Variants in TFB1M observed in about 807,000 individuals in gnomAD.
TFB1M encodes the protein dimethyladenosine transferase 1, mitochondrial.
In TFB1M, 27 loss-of-function variants were observed where a neutral mutation model predicts 31.1. That is an observed-to-expected ratio of 0.87 (90% confidence interval 0.64 to 1.20). The LOEUF is 1.20. Among genes scored for constraint, TFB1M ranks in the 50% most tolerant of loss-of-function variants. The pLI is 0.00. For missense variants in TFB1M, 394 were observed against 418.7 expected (o/e 0.94, Z 0.51); for synonymous variants, 166 against 151.8 (o/e 1.09, Z -0.69).
chr6:155,270,997 G>A (rs1784891359), intron 5 of TFB1M, among the ~76,000 whole-genome samples: 1 of 152,128 alleles, frequency 6.6e-6, no homozygotes, highest in African/African-American at 2.4e-5. Flanking sequence ...CAATACTATG[G>A]CTGAAAAGCA....
intron 5 of TFB1M, among the ~76,000 whole-genome samples, chr6:155,281,819 C>A: frequency 1.5e-5 from 1 of 68,036 alleles, no homozygotes. Context: ...CACCATAATT[C>A]ATAAAAAAAA....
At chr6:155,307,174 C>CAT (rs1777817150) in intron 2 of TFB1M, among the ~76,000 whole-genome samples, 3 of 151,728 alleles carry the variant, frequency 2.0e-5, no homozygotes, top group African/African-American at 7.3e-5. Flanking sequence ...CACATATACA[C>CAT]ACAGACAAAT....
intron 5 of TFB1M, among the ~76,000 whole-genome samples, chr6:155,278,735 G>A (rs765303978): frequency 1.3e-5 from 2 of 152,178 alleles, no homozygotes; most frequent in Non-Finnish European, 2.9e-5. Flanking sequence ...CAAACTACCC[G>A]GGTGCAAGCC....
chr6:155,303,464 C>T (rs335355), intron 2 of TFB1M: 101,245 of 152,176 alleles, frequency 0.67, 34,075 homozygotes, highest in East Asian at 0.98. Context: ...CACTGATCTC[C>T]GTACTTATAC....
At chr6:155,298,349 TTTAA>T in intron 3 of TFB1M, 124 bp downstream of exon 3, 1 of 639,622 alleles carries the variant, frequency 1.6e-6, no homozygotes, top group South Asian at 1.8e-5. Context: ...ATACACATTA[TTTAA>T]TTCTGTTCAG....
the TFB1M span, chr6:155,245,755 GTT>G: frequency 1.2e-4 from 119 of 1,022,938 alleles, no homozygotes; most frequent in South Asian, 3.1e-4. Context: ...GCCTTTTATA[GTT>G]TTTTTTTTTT....
chr6:155,267,829 C>T (rs776592155), intron 5 of TFB1M, among the ~76,000 whole-genome samples: 6 of 152,204 alleles, frequency 3.9e-5, no homozygotes, highest in Admixed American at 2.6e-4. Flanking sequence ...AACAGAAAAA[C>T]AGAATGAGCT....
At position 155,311,258 on chromosome 6, in the gene TFB1M, G is replaced by C; in HGVS notation, c.215C>G (p.Ser72Cys). ...TTCAGCGACGTCGGCATTAAGAATA[G>C]ATCTTGTGATTCCCCCTGGCCCAGG... ...VGPGPGGITR[S>C]ILNADVAELL... is the part of the protein sequence containing the mutation. The change falls in exon 2 of 7, where the codon TCT becomes TGT. Residue 72 changes from serine to cysteine, a missense_variant. Physicochemically the swap from Ser to Cys is moderately radical, Grantham distance 112. Coordinates refer to ENST00000367166, the MANE Select transcript of TFB1M (RefSeq NM_016020.4). The C allele has an allele frequency of 6.2e-7, 1 of 1,614,044 alleles. No individual in the cohort carries two copies. Among genetic ancestry groups the C allele is most frequent in the Admixed American group, 1.7e-5 (1 of 60,020 alleles).
In TFB1M at chr6:155,256,506, C is replaced by G. The variant is rs963957640; in HGVS notation, c.*1330G>C. 5 of 1,614,188 alleles carry G rather than the reference C, an allele frequency of 3.1e-6. No individual in the cohort carries two copies. The East Asian group carries it at 1.1e-4, about 36-fold the overall frequency. On this transcript the variant is annotated 3_prime_UTR_variant, in exon 7 of 7. Transcript: ENST00000367166. The stretch of plus-strand genomic sequence containing the variant: ...TAGCTTCATCCAGGTCTTTAAAAGT[C>G]CTGAAGAATTCCTCCAGCAACGAGT...
At chr6:155,276,788 C>T (rs1348338560) in intron 5 of TFB1M, among the ~76,000 whole-genome samples, 2 of 152,200 alleles carry the variant, frequency 1.3e-5, no homozygotes, top group Non-Finnish European at 2.9e-5. Flanking sequence ...TGGTTGGCAA[C>T]AACACAGCAA....
At chr6:155,298,784 A>T (rs1383980734) in intron 2 of TFB1M, among the ~76,000 whole-genome samples, 199 bp from the exon 3 acceptor site, 2 of 152,232 alleles carry the variant, frequency 1.3e-5, no homozygotes, top group African/African-American at 4.8e-5. Flanking sequence ...ATGATTAGGG[A>T]TAGTAACAGA....
Position 155,256,963 on chromosome 6 carries a change from C to G in TFB1M, c.*873G>C. On this transcript the variant is annotated 3_prime_UTR_variant, in exon 7 of 7. Coordinates refer to ENST00000367166, the MANE Select transcript of TFB1M (RefSeq NM_016020.4). The stretch of plus-strand genomic sequence containing the variant: ...CACCAAGAGGGACAGAGGAACTTTG[C>G]TCAAGGCGCAGATCCGTCACCAGTC... The G allele has an allele frequency of 6.2e-7, 1 of 1,614,188 alleles. No individual in the cohort carries two copies. The highest frequency in any genetic ancestry group is 8.5e-7 in the Non-Finnish European group (1 of 1,180,038).
chr6:155,314,184 C>G, intron 1 of TFB1M, 112 bp downstream of exon 1: 2 of 1,552,912 alleles, frequency 1.3e-6, no homozygotes, highest in Non-Finnish European at 1.7e-6. Context: ...TGACCAAAAG[C>G]CCGTCGCACG....
At chr6:155,275,767 T>C (rs927718) in intron 5 of TFB1M, 1,019,572 of 1,613,612 alleles carry the variant, frequency 0.63, 327,588 homozygotes, top group East Asian at 0.98. Flanking sequence ...TGGCCTTATC[T>C]GGGGTCTCTG....
At chr6:155,299,529 C>G (rs1388355446) in intron 2 of TFB1M, 6 of 152,152 alleles carry the variant, frequency 3.9e-5, no homozygotes, top group African/African-American at 1.4e-4. Context: ...GTGAATGTAT[C>G]AACGAGAAGA....
Position 155,290,585 on chromosome 6 carries a change from T to C in TFB1M, c.547-5308A>G, listed in dbSNP as rs542235062. Among the ~76,000 whole-genome samples the C allele has an allele frequency of 1.1e-4, 16 of 152,190 alleles. No individual in the cohort carries two copies. In the East Asian group the frequency reaches 3.1e-3, roughly 29 times the overall value. On this transcript the variant is annotated intron_variant, in intron 4 of 6. Coordinates refer to ENST00000367166, the MANE Select transcript of TFB1M (RefSeq NM_016020.4). ...AAAATTGAACTAAAATCAACTTTTT[T>C]TGTTAAAGAAAAAGAATTGCATATG...
At chr6:155,230,087 A>G in the TFB1M span, among the ~76,000 whole-genome samples, 88,662 of 151,270 alleles carry the variant, frequency 0.59, 27,453 homozygotes, top group Middle Eastern at 0.74. Flanking sequence ...CACCGAGAGT[A>G]CAAATCCACC....
At chr6:155,300,549 G>A (rs1042667103) in intron 2 of TFB1M, among the ~76,000 whole-genome samples, 4 of 152,070 alleles carry the variant, frequency 2.6e-5, no homozygotes, top group Admixed American at 1.3e-4. Context: ...TGTTCACAAA[G>A]TTAAAACAAA....
rs770274973 is a variant in TFB1M at position 155,256,854 on chromosome 6, G to A, written c.*982C>T. On this transcript the variant is annotated 3_prime_UTR_variant, in exon 7 of 7. Transcript: ENST00000367166. ...CCGAGGCTGAGCAGCAGCCTGGCCC[G>A]GAGTCGGGTGAGGGTCAGAAAGGAG... 14 of 1,614,068 alleles carry A rather than the reference G, an allele frequency of 8.7e-6. No individual in the cohort carries two copies. Among genetic ancestry groups the A allele is most frequent in the South Asian group, 6.6e-5 (6 of 91,088 alleles).
Sources: allele counts gnomAD v4.1 joint callset (sites outside exome capture counted in the v4.1 genomes callset), GRCh38; gene constraint gnomAD v4.1.1; transcripts MANE v1.5; gene names NCBI Gene and HGNC (gene_info 2026-07-23, HGNC 2026-07-21).